The following NLRP8 variants were observed in gnomAD, a reference collection of about 807,000 sequenced individuals.
The protein encoded by NLRP8 is NLR family pyrin domain containing 8.
NLRP8 carries 86 observed loss-of-function variants against 88.7 expected under a neutral mutation model. That is an observed-to-expected ratio of 0.97 (90% CI 0.81 to 1.16). NLRP8 has a LOEUF of 1.16. Ranked by LOEUF, NLRP8 falls within the 50% of genes most tolerant of loss-of-function variation. The pLI is 0.00. For missense variants in NLRP8, 1,342 were observed against 1,286.5 expected (o/e 1.04, Z -0.66); for synonymous variants, 504 against 494.6 (o/e 1.02, Z -0.25).
Position 55,957,676 on chromosome 19 carries a change from T to A in NLRP8, c.2042+1576T>A, listed in dbSNP as rs1343620544. On this transcript the variant is annotated intron_variant, in intron 3 of 9. Transcript: ENST00000291971. ...CTTAAAAAAGAAAAAATAATAATTA[T>A]ATATATATATATATATATATATATA... Among the ~76,000 whole-genome samples, 10 of 2,096 alleles carry A rather than the reference T, an allele frequency of 4.8e-3. 1 individual carries two copies. Among genetic ancestry groups the A allele is most frequent in the African/African-American group, 8.4e-3 (10 of 1,188 alleles). The allele number at this position is 2,096 out of a possible 152,430, so 1.4% of individuals were successfully genotyped here. A position where few individuals can be genotyped will look rare whatever the true frequency, so the allele number is the denominator to read the frequency against.
At chr19:55,969,897 C>T (rs1467100239) in intron 5 of NLRP8, among the ~76,000 whole-genome samples, 1 of 152,104 alleles carries the variant, frequency 6.6e-6, no homozygotes, top group African/African-American at 2.4e-5. Context: ...TATAAACAGC[C>T]CACCTTGAGG....
chr19:55,985,571 C>G (rs2123235617), intron 9 of NLRP8, among the ~76,000 whole-genome samples: 1 of 152,166 alleles, frequency 6.6e-6, no homozygotes, highest in South Asian at 2.1e-4. Context: ...TACCTCATAC[C>G]ATATACAAAA....
chr19:55,986,462 ACT>A (rs1264602164), intron 9 of NLRP8, among the ~76,000 whole-genome samples: 36 of 44,940 alleles, frequency 8.0e-4, no homozygotes, highest in South Asian at 5.5e-3. Context: ...TCACACACAC[ACT>A]CTCTCACATA....
chr19:55,973,848 T>C, intron 7 of NLRP8, 26 bp downstream of exon 7: 2 of 1,597,206 alleles, frequency 1.3e-6, no homozygotes, highest in Non-Finnish European at 1.7e-6. Flanking sequence ...TTTTCTTCTC[T>C]GAATTCCCTG....
At chr19:55,976,336 A>G (rs754831571) in intron 8 of NLRP8, 33 bp downstream of exon 8, 4 of 1,543,082 alleles carry the variant, frequency 2.6e-6, no homozygotes, top group African/African-American at 1.4e-5. Flanking sequence ...CTGTGAGACC[A>G]GGAGAATTGT....
At position 55,947,892 on chromosome 19, in the gene NLRP8, C is replaced by A. The variant is rs774486775; in HGVS notation, c.-11C>A. On this transcript the variant is annotated 5_prime_UTR_variant, in exon 1 of 10. Transcript: ENST00000291971. ...TCGTGGACACTGAGGTGTTCTCTGC[C>A]TTGACTAAAGATGAGTGACGTGAAT... is the stretch of plus-strand genomic sequence containing the variant. 2 of 1,602,258 alleles carry A rather than the reference C, an allele frequency of 1.2e-6. No individual in the cohort carries two copies. The highest frequency in any genetic ancestry group is 1.7e-6 in the Non-Finnish European group (2 of 1,173,162).
At chr19:55,963,784 A>G (rs1239180217) in intron 4 of NLRP8, among the ~76,000 whole-genome samples, 1 of 151,988 alleles carries the variant, frequency 6.6e-6, no homozygotes, top group Non-Finnish European at 1.5e-5. Flanking sequence ...TGAACTGCTG[A>G]TCTTAAGTGA....
Position 55,948,030 on chromosome 19 carries a change from T to C in NLRP8, c.128T>C (p.Leu43Pro), listed in dbSNP as rs937121698. The C allele has an allele frequency of 1.9e-6, 3 of 1,614,116 alleles. No individual in the cohort carries two copies. The highest frequency in any genetic ancestry group is 1.6e-4 in the Middle Eastern group (1 of 6,062). Residue 43 changes from leucine (L) to proline (P), a missense_variant, in exon 1 of 10, where the codon CTG (leucine) becomes CCG (proline). Leu to Pro is a moderately conservative substitution (Grantham distance 98). Coordinates refer to ENST00000291971, the MANE Select transcript of NLRP8 (RefSeq NM_176811.2). The stretch of plus-strand genomic sequence containing the variant: ...TCCCCATGTGAAAATGGGGTCATGC[T>C]GTACATGAGAAACGTGAGCCATGAG...
At chr19:55,972,042 T>C (rs981618560) in intron 6 of NLRP8, among the ~76,000 whole-genome samples, 4 of 152,070 alleles carry the variant, frequency 2.6e-5, no homozygotes, top group African/African-American at 9.7e-5. Flanking sequence ...GCCGTCTCCT[T>C]GTCTGCTATT....
chr19:55,955,174 C>T lies in NLRP8; in HGVS notation c.1116C>T (p.His372=), dbSNP rs747700093. 4.3e-6 allele frequency: 7 copies of T among 1,613,976 alleles called. No homozygotes were observed. In the South Asian group the frequency reaches 6.6e-5, roughly 15 times the overall value. Residue 372 remains histidine, a synonymous_variant, in exon 3 of 10, where the codon CAC becomes CAT. Transcript: ENST00000291971. ...AGTATTTCCAGATGTATTTTGGACA[C>T]ACAGAGGAGGGAGACCAAGTCTTGA...
chr19:55,953,022 C>G (rs1039742984), intron 2 of NLRP8, among the ~76,000 whole-genome samples: 1 of 152,208 alleles, frequency 6.6e-6, no homozygotes, highest in Non-Finnish European at 1.5e-5. Flanking sequence ...CTGTTAGGAA[C>G]TGGGCCACAC....
chr19:55,971,439 CAA>C (rs34787079), intron 6 of NLRP8, among the ~76,000 whole-genome samples: 7,649 of 86,746 alleles, frequency 0.088, 217 homozygotes, highest in African/African-American at 0.13. Context: ...AGACTCGTCT[CAA>C]AAAAAAAAAA....
At position 55,987,977 on chromosome 19, in the gene NLRP8, C is replaced by T. The variant is rs1181158873; in HGVS notation, c.*64C>T. The T allele has an allele frequency of 7.8e-7, 1 of 1,273,918 alleles. No homozygotes were observed. Among genetic ancestry groups the T allele is most frequent in the Non-Finnish European group, 1.1e-6 (1 of 872,168 alleles). 78.9% of individuals were successfully genotyped at this position (1,273,918 alleles called of 1,614,324 possible). A position where few individuals can be genotyped will look rare whatever the true frequency, so the allele number is the denominator to read the frequency against. Reference sequence around the variant, plus strand: ...TTCCCACTCTGACAACTGGCAAATACCAGGCGTTATCATCCTGTATGCATT... The same window carrying T: ...TTCCCACTCTGACAACTGGCAAATATCAGGCGTTATCATCCTGTATGCATT... On this transcript the variant is annotated 3_prime_UTR_variant, in exon 10 of 10. Coordinates refer to ENST00000291971, the MANE Select transcript of NLRP8 (RefSeq NM_176811.2).
At position 55,987,913 on chromosome 19, in the gene NLRP8, G is replaced by C. The variant is rs306457; in HGVS notation, c.3147G>C (p.Ter1049TyrextTer10). ...ACTGCCTATCCCAGATTAATCCTTA[G>C]GCCGTCCAGTCATCTTTCTCTGGGG... Residue 1049 changes from the stop codon to tyrosine (Y), a stop_lost, in exon 10 of 10, where the codon TAG becomes TAC. Coordinates refer to ENST00000291971, the MANE Select transcript of NLRP8 (RefSeq NM_176811.2). 1,185,621 of 1,606,428 alleles carry C rather than the reference G, an allele frequency of 0.74. 438,626 individuals are homozygous for C. The highest frequency in any genetic ancestry group is 0.79 in the South Asian group (72,112 of 90,910).
At chr19:55,952,939 TAA>T (rs1372876031) in intron 2 of NLRP8, among the ~76,000 whole-genome samples, 1 of 151,524 alleles carries the variant, frequency 6.6e-6, no homozygotes, top group East Asian at 1.9e-4. Context: ...AATAATAAAA[TAA>T]AAAAACAGAC....
chr19:55,956,856 G>A lies in NLRP8; in HGVS notation c.2042+756G>A, dbSNP rs753300364. ...CTGTCACCCAGGAAGGCAGTGGTAC[G>A]ATCGTGGCTCACTGCAACCTCAACC... On this transcript the variant is annotated intron_variant, in intron 3 of 9. Transcript: ENST00000291971. Among the ~76,000 whole-genome samples the A allele has an allele frequency of 4.6e-5, 7 of 151,776 alleles. No homozygotes were observed. The South Asian group carries it at 6.3e-4, about 14-fold the overall frequency.
chr19:55,961,744 G>A (rs1398915943), intron 3 of NLRP8, among the ~76,000 whole-genome samples: 2 of 152,198 alleles, frequency 1.3e-5, no homozygotes, highest in Non-Finnish European at 2.9e-5. Context: ...GCTGCAGCGA[G>A]CTGTGTTCAG....
At chr19:55,948,602 AT>A (rs535232807) in intron 1 of NLRP8, among the ~76,000 whole-genome samples, 1 of 151,216 alleles carries the variant, frequency 6.6e-6, no homozygotes, top group Non-Finnish European at 1.5e-5. Flanking sequence ...TGCCTGGGTA[AT>A]TTTTTTTTAT....
chr19:55,970,401 C>A, intron 5 of NLRP8, 143 bp from the exon 6 acceptor site: 1 of 879,396 alleles, frequency 1.1e-6, no homozygotes, highest in South Asian at 2.1e-5. Context: ...GAGCTTGGTG[C>A]AGGTGTGCTG....
Sources: gnomAD v4.1 joint callset for allele counts (sites outside exome capture counted in the v4.1 genomes callset) on GRCh38, gnomAD v4.1.1 for gene constraint, MANE v1.5 for transcripts, NCBI Gene and HGNC (gene_info 2026-07-23, HGNC 2026-07-21) for gene names.